ANKRD11: variants seen among roughly 807,000 people sequenced by gnomAD.
ANKRD11 encodes the protein ankyrin repeat domain 11, also known as ankyrin repeat domain-containing protein 11.
ANKRD11 carries 17 observed loss-of-function variants against 195.7 expected under a neutral mutation model. That is an observed-to-expected ratio of 0.09 (90% CI 0.06 to 0.13). The LOEUF is 0.13. Among genes scored for constraint, ANKRD11 ranks in the 10% least tolerant of loss-of-function variants. The pLI is 1.00. For synonymous variants in ANKRD11, 1,953 were observed against 1,528.1 expected (o/e 1.28, Z -6.49); for missense variants, 3,735 against 3,566.1 (o/e 1.05, Z -1.21).
intron 1 of ANKRD11, among the ~76,000 whole-genome samples, chr16:89,468,342 C>CG (rs550782131): frequency 1.5e-4 from 23 of 152,220 alleles, no homozygotes; most frequent in Admixed American, 1.1e-3. Flanking sequence ...ATCATGAGGT[C>CG]GGGGGGAAAG....
chr16:89,314,262 CA>C (rs2036805992), intron 3 of ANKRD11, among the ~76,000 whole-genome samples: 1 of 151,048 alleles, frequency 6.6e-6, no homozygotes, highest in African/African-American at 2.4e-5. Flanking sequence ...TCAAAACAAA[CA>C]AACAAACAAC....
At chr16:89,372,997 G>A (rs765886508) in intron 2 of ANKRD11, 1 of 152,238 alleles carries the variant, frequency 6.6e-6, no homozygotes, top group African/African-American at 2.4e-5. Flanking sequence ...GGAAGGCACA[G>A]CACCCACAGT....
intron 4 of ANKRD11, chr16:89,297,961 A>T (rs2151833662): frequency 7.0e-6 from 1 of 142,208 alleles, no homozygotes; most frequent in South Asian, 2.3e-4. Context: ...GGTCACACAG[A>T]GGTAAGGCTG....
chr16:89,457,324 C>A (rs1239880914), intron 1 of ANKRD11, among the ~76,000 whole-genome samples: 1 of 150,984 alleles, frequency 6.6e-6, no homozygotes, highest in African/African-American at 2.4e-5. Context: ...CCAGGCCAGG[C>A]GCAGTGGCTC....
intron 1 of ANKRD11, among the ~76,000 whole-genome samples, chr16:89,422,482 C>T (rs1024281279): frequency 6.6e-6 from 1 of 152,198 alleles, no homozygotes; most frequent in Non-Finnish European, 1.5e-5. Flanking sequence ...CTGAGGCATC[C>T]TACCGGACTC....
chr16:89,483,814 CAAA>C (rs1379249025), intron 1 of ANKRD11, among the ~76,000 whole-genome samples: 4 of 80,842 alleles, frequency 4.9e-5, no homozygotes, highest in Non-Finnish European at 5.2e-5. Context: ...AACTCCATCT[CAAA>C]AAAAAAAAAA....
At chr16:89,477,641 G>C (rs2057303050) in intron 1 of ANKRD11, among the ~76,000 whole-genome samples, 3 of 151,510 alleles carry the variant, frequency 2.0e-5, no homozygotes, top group Non-Finnish European at 4.4e-5. Flanking sequence ...ACAGGTGTGA[G>C]CCACTGGGCC....
At chr16:89,406,956 G>A (rs1162549922) in intron 2 of ANKRD11, among the ~76,000 whole-genome samples, 1 of 152,114 alleles carries the variant, frequency 6.6e-6, no homozygotes, top group African/African-American at 2.4e-5. Flanking sequence ...GGGGAAGGGG[G>A]AGCAGATCAC....
At chr16:89,392,431 T>G (rs1227270934) in intron 2 of ANKRD11, 1 of 152,190 alleles carries the variant, frequency 6.6e-6, no homozygotes. Context: ...TTTTCTTACA[T>G]TTTCTACAAT....
intron 4 of ANKRD11, chr16:89,298,137 G>C (rs376232522): frequency 2.8e-4 from 43 of 152,326 alleles, no homozygotes; most frequent in African/African-American, 1.0e-3. Context: ...TGAGCCCCAT[G>C]GTGGTTTCAC....
In ANKRD11 at chr16:89,389,764, GAGA is replaced by G. The variant is rs1260677675; in HGVS notation, c.-60+28517_-60+28519del. On this transcript the variant is annotated intron_variant, in intron 2 of 12. Transcript: ENST00000301030. ...CCGAGTGTGGCGGGGAGCACCGAGAGAGAAGATCACTGGGGCAAACACCGAGTG... is the reference window on the plus strand; with the variant it reads ...CCGAGTGTGGCGGGGAGCACCGAGAGAGATCACTGGGGCAAACACCGAGTG... Among the ~76,000 whole-genome samples the G allele has an allele frequency of 2.6e-3, 366 of 141,604 alleles. 1 individual carries two copies. The highest frequency in any genetic ancestry group is 8.8e-3 in the African/African-American group (331 of 37,670). The allele number at this position is 141,604 out of a possible 152,430, so 92.9% of individuals were successfully genotyped here.
In ANKRD11 at chr16:89,291,894, G is replaced by C. The variant is rs1229961878; in HGVS notation, c.227-711C>G. 1.5e-5 allele frequency: 10 copies of C among 651,202 alleles called. No individual in the cohort carries two copies. Among genetic ancestry groups the C allele is most frequent in the South Asian group, 8.9e-5 (6 of 67,312 alleles). The allele number at this position is 651,202 out of a possible 1,614,324, so 40.3% of individuals were successfully genotyped here. On this transcript the variant is annotated intron_variant, in intron 4 of 12. Coordinates refer to ENST00000301030, the MANE Select transcript of ANKRD11 (RefSeq NM_013275.6). This position sits in a 1 kb window ranked among gnomAD's most constrained non-coding sequence, Gnocchi z 5.3. ...TCATCTGACCCGTTACAGAACACTC[G>C]GCTGGCGTCTAACGCAACTCACGTG...
intron 2 of ANKRD11, among the ~76,000 whole-genome samples, chr16:89,400,893 G>A (rs959282002): frequency 1.3e-5 from 2 of 152,030 alleles, no homozygotes; most frequent in Admixed American, 1.3e-4. Flanking sequence ...GACGCCTGTC[G>A]CCCTCCACCC....
chr16:89,384,788 C>T (rs182350240), intron 2 of ANKRD11, among the ~76,000 whole-genome samples: 1 of 151,574 alleles, frequency 6.6e-6, no homozygotes, highest in Non-Finnish European at 1.5e-5. Flanking sequence ...AAAAGCAGGC[C>T]CACTAGACAG....
At chr16:89,268,760 C>A (rs560680331) in intron 12 of ANKRD11, 97 bp from the exon 13 acceptor site, 1 of 1,413,034 alleles carries the variant, frequency 7.1e-7, no homozygotes, top group Non-Finnish European at 9.7e-7. Context: ...GGGCGTGATA[C>A]GGCCGTGAAC....
At chr16:89,278,972 G>A (rs1401412386) in intron 9 of ANKRD11, 100 bp downstream of exon 9, 8 of 1,532,788 alleles carry the variant, frequency 5.2e-6, no homozygotes, top group East Asian at 2.4e-5. Context: ...GAGGTCAAGG[G>A]CCATGAGTGG....
Position 89,274,889 on chromosome 16 carries a change from G to A in ANKRD11, c.7638C>T (p.Ala2546=), listed in dbSNP as rs775056744. The change falls in exon 11 of 13, where the codon GCC becomes GCT. Residue 2546 remains alanine (A), a synonymous_variant. Coordinates refer to ENST00000301030, the MANE Select transcript of ANKRD11 (RefSeq NM_013275.6). ...AGGCGCTGAATGGCACTGCCTGGTT[G>A]GCGATGGTCCTGGCCGCCCGGCAGT... ...RVHCRAARTI[A]NQAVPFSACT... 1.2e-6 allele frequency: 2 copies of A among 1,613,624 alleles called. No homozygotes were observed. The highest frequency in any genetic ancestry group is 4.5e-5 in the East Asian group (2 of 44,890).
rs992182642 is a variant in ANKRD11 at position 89,365,442 on chromosome 16, G to T, written c.-59-48364C>A. 3.2e-4 allele frequency among the ~76,000 whole-genome samples: 48 copies of T among 152,324 alleles called. 1 individual carries two copies. The highest frequency in any genetic ancestry group is 2.3e-3 in the South Asian group (11 of 4,820). On this transcript the variant is annotated intron_variant, in intron 2 of 12. Transcript: ENST00000301030. ...CCACTGAGCCCAACCAGGGTGCAGG[G>T]GAGCCTCCCAGATGAGAGGCCTGTG...
chr16:89,466,767 C>A (rs2152342869), intron 1 of ANKRD11, among the ~76,000 whole-genome samples: 1 of 152,300 alleles, frequency 6.6e-6, no homozygotes, highest in Admixed American at 6.5e-5. Context: ...ATAAAAAAGA[C>A]AACTCGGTAG....
Sources: gnomAD v4.1 joint callset for allele counts (sites outside exome capture counted in the v4.1 genomes callset) on GRCh38, gnomAD v4.1.1 for gene constraint, Gnocchi (gnomAD v3.1) non-coding constraint, MANE v1.5 for transcripts, NCBI Gene and HGNC (gene_info 2026-07-23, HGNC 2026-07-21) for gene names.